Variants in LHFPL3 observed in about 807,000 individuals in gnomAD.
LHFPL3 encodes the protein LHFPL tetraspan subfamily member 3 protein.
Under a neutral mutation model 19.3 loss-of-function variants are expected in LHFPL3, and 5 were observed. The observed-to-expected ratio is 0.26, with a 90% CI of 0.14 to 0.54. The LOEUF is 0.54. LHFPL3 is among the 20% of genes least tolerant of loss of function. The pLI is 0.94. For missense variants in LHFPL3, 249 were observed against 307.4 expected, an observed-to-expected ratio of 0.81 and a Z score of 1.42; for synonymous variants, 133 against 126.2, an observed-to-expected ratio of 1.05 and a Z score of -0.36.
chr7:104,880,714 A>T (rs1792033570), intron 2 of LHFPL3, among the ~76,000 whole-genome samples: 1 of 152,166 alleles, frequency 6.6e-6, no homozygotes, highest in South Asian at 2.1e-4. Flanking sequence ...TTCTTTCAAA[A>T]TATTACTGTT....
chr7:104,828,717 G>T (rs538735899), intron 2 of LHFPL3, among the ~76,000 whole-genome samples: 1 of 151,946 alleles, frequency 6.6e-6, no homozygotes, highest in Admixed American at 6.5e-5. Flanking sequence ...GCGTAAGTGG[G>T]AAGGTAAGAG....
intron 1 of LHFPL3, among the ~76,000 whole-genome samples, chr7:104,417,293 G>A (rs1380583082): frequency 1.3e-5 from 2 of 152,160 alleles, no homozygotes; most frequent in East Asian, 3.8e-4. Context: ...CATATTCACA[G>A]ATTTTTTTTC....
intron 1 of LHFPL3, among the ~76,000 whole-genome samples, chr7:104,679,795 A>G (rs1792661764): frequency 6.6e-6 from 1 of 152,172 alleles, no homozygotes; most frequent in African/African-American, 2.4e-5. Flanking sequence ...CAAGATTTCT[A>G]CAAGGCTCAT....
chr7:104,866,309 G>A (rs1481103450), intron 2 of LHFPL3, among the ~76,000 whole-genome samples: 1 of 152,172 alleles, frequency 6.6e-6, no homozygotes, highest in East Asian at 1.9e-4. Flanking sequence ...AGACCCATCA[G>A]TGTGCTGTAT....
At chr7:104,674,372 C>CTTTTTTT (rs531335106) in intron 1 of LHFPL3, among the ~76,000 whole-genome samples, 1 of 134,698 alleles carries the variant, frequency 7.4e-6, no homozygotes, top group South Asian at 2.4e-4. Flanking sequence ...TTTTCTTTTT[C>CTTTTTTT]TTTTTTTTTT....
intron 1 of LHFPL3, among the ~76,000 whole-genome samples, chr7:104,495,467 TC>T (rs1793452212): frequency 6.6e-6 from 1 of 152,184 alleles, no homozygotes; most frequent in Admixed American, 6.5e-5. Flanking sequence ...CACTGCAAGC[TC>T]CACCTTCCGG....
At chr7:104,639,367 A>G (rs969471574) in intron 1 of LHFPL3, among the ~76,000 whole-genome samples, 2 of 152,078 alleles carry the variant, frequency 1.3e-5, no homozygotes, top group Admixed American at 1.3e-4. Flanking sequence ...TGTGCCTAGA[A>G]GTGTTCACAG....
chr7:104,818,642 C>T (rs893509802), intron 2 of LHFPL3, among the ~76,000 whole-genome samples: 1 of 152,080 alleles, frequency 6.6e-6, no homozygotes, highest in Non-Finnish European at 1.5e-5. Context: ...AACCAATAAC[C>T]TAAATTTCAG....
chr7:104,368,679 G>GTT (rs775868830), intron 1 of LHFPL3, among the ~76,000 whole-genome samples: 5 of 144,932 alleles, frequency 3.4e-5, no homozygotes, highest in East Asian at 2.0e-4. Flanking sequence ...GTGTGTGTGT[G>GTT]TTGTTTTGTT....
intron 2 of LHFPL3, among the ~76,000 whole-genome samples, chr7:104,894,055 T>C (rs1792306347): frequency 6.6e-6 from 1 of 151,986 alleles, no homozygotes; most frequent in Non-Finnish European, 1.5e-5. Flanking sequence ...AGTAGAGTAA[T>C]AGGCAAGACC....
chr7:104,390,575 G>A (rs1023074353), intron 1 of LHFPL3, among the ~76,000 whole-genome samples: 7 of 152,196 alleles, frequency 4.6e-5, no homozygotes, highest in Non-Finnish European at 7.3e-5. Flanking sequence ...GCTTAATCCA[G>A]TCTATCACTG....
At chr7:104,484,849 C>A (rs1736727271) in intron 1 of LHFPL3, among the ~76,000 whole-genome samples, 1 of 152,050 alleles carries the variant, frequency 6.6e-6, no homozygotes, top group Admixed American at 6.6e-5. Context: ...AATGAATAAC[C>A]CACTCCTGAA....
At chr7:104,901,189 G>A (rs1048771701) in intron 2 of LHFPL3, among the ~76,000 whole-genome samples, 2 of 152,180 alleles carry the variant, frequency 1.3e-5, no homozygotes, top group Admixed American at 6.5e-5. Context: ...TCTGTTTGAA[G>A]AGCTAGTCCT....
intron 1 of LHFPL3, among the ~76,000 whole-genome samples, chr7:104,358,527 T>C (rs1319903522): frequency 6.6e-6 from 1 of 152,208 alleles, no homozygotes; most frequent in Admixed American, 6.5e-5. Flanking sequence ...TAAGTTGTTT[T>C]AGCCTGTTGT....
intron 1 of LHFPL3, among the ~76,000 whole-genome samples, chr7:104,495,446 C>T (rs1421335013): frequency 6.6e-6 from 1 of 152,132 alleles, no homozygotes; most frequent in Non-Finnish European, 1.5e-5. Flanking sequence ...TGCAGTGGCA[C>T]AATCTCAGCT....
intron 1 of LHFPL3, among the ~76,000 whole-genome samples, chr7:104,343,436 C>T (rs1319832682): frequency 7.1e-6 from 1 of 140,284 alleles, no homozygotes; most frequent in East Asian, 2.1e-4. Context: ...TCACTTGAAC[C>T]CGGGAGGTGG....
intron 1 of LHFPL3, among the ~76,000 whole-genome samples, chr7:104,339,184 G>A (rs567490222): frequency 6.2e-4 from 95 of 152,168 alleles, no homozygotes; most frequent in African/African-American, 2.2e-3. Flanking sequence ...GGAGGTGGAC[G>A]TTGCAGTGAG....
chr7:104,842,842 G>A (rs1791238803), intron 2 of LHFPL3, among the ~76,000 whole-genome samples: 1 of 152,174 alleles, frequency 6.6e-6, no homozygotes, highest in Middle Eastern at 3.2e-3. Context: ...GGTTGAAAAT[G>A]TCTTTGCTTC....
rs557869836 is a variant in LHFPL3 at position 104,450,153 on chromosome 7, T to C, written c.445+120929T>C. On this transcript the variant is annotated intron_variant, in intron 1 of 2. Coordinates refer to ENST00000424859, the MANE Select transcript of LHFPL3 (RefSeq NM_199000.3). ...TTCCTGAGGACTCTTAGGGAAAAAA[T>C]TTCCTGAGCCTATCAGAAATCTAGA... Among the ~76,000 whole-genome samples the C allele has an allele frequency of 2.0e-5, 3 of 152,062 alleles. No homozygotes were observed. The East Asian group carries it at 5.8e-4, about 29-fold the overall frequency.
Sources: gnomAD v4.1 joint callset for allele counts (sites outside exome capture counted in the v4.1 genomes callset) on GRCh38, gnomAD v4.1.1 for gene constraint, MANE v1.5 for transcripts, NCBI Gene and HGNC (gene_info 2026-07-23, HGNC 2026-07-21) for gene names.